NEMF: variants seen among roughly 807,000 people sequenced by gnomAD.
NEMF encodes the protein ribosome quality control complex subunit NEMF.
A neutral mutation model predicts 162.2 loss-of-function variants in NEMF; 89 were observed. The ratio of observed to expected loss-of-function variants is 0.55; its 90% CI spans 0.46 to 0.65. The LOEUF (loss-of-function observed/expected upper bound fraction) is 0.65. Among genes scored for constraint, NEMF ranks in the 30% least tolerant of loss-of-function variants. The pLI is 0.00. For missense variants in NEMF, 1,133 were observed against 1,261.9 expected (o/e 0.90, Z 1.55); for synonymous variants, 421 against 404.5 (o/e 1.04, Z -0.49).
Position 49,782,494 on chromosome 14 carries a change from C to T in NEMF, c.*2142G>A, listed in dbSNP as rs376602844. On this transcript the variant is annotated 3_prime_UTR_variant, in exon 33 of 33. Transcript: ENST00000298310. The stretch of plus-strand genomic sequence containing the variant: ...ACCTTCACATTATTACTGAAACTTA[C>T]TTGCAAAGCATTTGCTTTTAAATGT... The T allele has an allele frequency of 1.3e-6, 2 of 1,595,298 alleles. No homozygotes were observed. Among genetic ancestry groups the T allele is most frequent in the South Asian group, 1.1e-5 (1 of 89,476 alleles).
chr14:49,812,665 T>A (rs1228492753), intron 18 of NEMF, among the ~76,000 whole-genome samples: 1 of 152,260 alleles, frequency 6.6e-6, no homozygotes, highest in Admixed American at 6.5e-5. Flanking sequence ...CCATTGCTTA[T>A]TTATAACTGT....
At chr14:49,820,524 T>C in intron 16 of NEMF, 1 of 456,360 alleles carries the variant, frequency 2.2e-6, no homozygotes, top group Non-Finnish European at 4.4e-6. Flanking sequence ...ATCCCGGCAC[T>C]TTGGAAGGCC....
In NEMF at chr14:49,833,496, T is replaced by C; in HGVS notation, c.662A>G (p.Asp221Gly). The C allele has an allele frequency of 6.4e-7, 1 of 1,562,964 alleles. No individual in the cohort carries two copies. The highest frequency in any genetic ancestry group is 2.3e-5 in the East Asian group (1 of 44,392). ...CAGAGAAACAAGTACTTTTTCAATATCTAATGGTGGGGGAAAAAAAGGAAA... is the reference window on the plus strand; with the variant it reads ...CAGAGAAACAAGTACTTTTTCAATACCTAATGGTGGGGGAAAAAAAGGAAA... ...VKVDEKLETK[D>G]IEKVLVSLQK... Residue 221 changes from aspartate to glycine, a missense_variant and splice_region_variant, in exon 8 of 33, where the codon GAT becomes GGT. Physicochemically the swap from Asp to Gly is moderately conservative, Grantham distance 94. Transcript: ENST00000298310.
At chr14:49,785,188 A>C in intron 30 of NEMF, 32 bp downstream of exon 30, 2 of 1,605,982 alleles carry the variant, frequency 1.2e-6, no homozygotes, top group Non-Finnish European at 1.7e-6. Flanking sequence ...AACAATTCAC[A>C]AAAGCCATTC....
intron 18 of NEMF, among the ~76,000 whole-genome samples, 191 bp from the exon 19 acceptor site, chr14:49,806,324 C>T (rs1303340007): frequency 7.9e-6 from 1 of 126,682 alleles, no homozygotes; most frequent in East Asian, 2.4e-4. Flanking sequence ...TGCAATGGCG[C>T]AATCTCAGCT....
chr14:49,793,622 T>C (rs1187029911), intron 26 of NEMF, among the ~76,000 whole-genome samples: 3 of 152,232 alleles, frequency 2.0e-5, no homozygotes, highest in Non-Finnish European at 2.9e-5. Context: ...GAATATTTCA[T>C]TGTAAAAATG....
At chr14:49,834,143 T>G in intron 7 of NEMF, 3 of 590,510 alleles carry the variant, frequency 5.1e-6, no homozygotes, top group Middle Eastern at 8.1e-4. Context: ...CAGGCTGGAG[T>G]GCAGCTGTGC....
intron 17 of NEMF, 55 bp from the exon 18 acceptor site, chr14:49,814,105 CTT>C (rs375409448): frequency 1.1e-3 from 975 of 862,930 alleles, no homozygotes; most frequent in East Asian, 1.7e-3. Context: ...TTCTTTTTTC[CTT>C]TTTTTTTTTT....
rs1245751179 is a variant in NEMF at position 49,846,186 on chromosome 14, C to T, written c.311G>A (p.Gly104Glu). The T allele has an allele frequency of 6.2e-7, 1 of 1,613,650 alleles. No individual in the cohort carries two copies. Among genetic ancestry groups the T allele is most frequent in the Non-Finnish European group, 8.5e-7 (1 of 1,179,724 alleles). ...GVDRIVDFQF[G>E]SDEAAYHLII... is the part of the protein sequence containing the mutation. ...TAAATGGTAAGCAGCTTCATCACTT[C>T]CAAATTGAAAATCTACAATTCTATC... The change falls in exon 4 of 33, where the codon GGA becomes GAA. Residue 104 changes from glycine to glutamate, a missense_variant. This residue lies in a region of NEMF where 582 missense variants were observed against 631.5 expected (regional missense o/e 0.92). Coordinates refer to ENST00000298310, the MANE Select transcript of NEMF (RefSeq NM_004713.6).
In NEMF at chr14:49,838,163, T is replaced by G; in HGVS notation, c.550A>C (p.Lys184Gln). 1 of 1,613,992 alleles carries G rather than the reference T, an allele frequency of 6.2e-7. No individual in the cohort carries two copies. The highest frequency in any genetic ancestry group is 8.5e-7 in the Non-Finnish European group (1 of 1,179,884). ...VASAPKGELL[K>Q]RVLNPLLPYG... ...CGAAGTAATGGGTTAAGCACCCTCT[T>G]CAGTAGTTCACCCTTAGGTGCGCTG... Residue 184 changes from lysine (K) to glutamine (Q), a missense_variant, in exon 6 of 33, where the codon AAG becomes CAG. Physicochemically the swap from Lys to Gln is moderately conservative, Grantham distance 53 (BLOSUM62 1). Transcript: ENST00000298310.
intron 18 of NEMF, among the ~76,000 whole-genome samples, chr14:49,811,304 T>C (rs1309803428): frequency 6.6e-6 from 1 of 152,244 alleles, no homozygotes; most frequent in Non-Finnish European, 1.5e-5. Flanking sequence ...TGATCTCATA[T>C]CCTGGACATT....
At chr14:49,813,835 C>T (rs1401637142) in intron 18 of NEMF, among the ~76,000 whole-genome samples, 153 bp downstream of exon 18, 1 of 152,034 alleles carries the variant, frequency 6.6e-6, no homozygotes. Flanking sequence ...AACTCCTGGC[C>T]TCAAATAATC....
At chr14:49,843,461 T>G (rs1594805273) in intron 4 of NEMF, among the ~76,000 whole-genome samples, 1 of 152,196 alleles carries the variant, frequency 6.6e-6, no homozygotes, top group Middle Eastern at 3.4e-3. Context: ...GCCACTGAAT[T>G]CCAGCCTGGC....
chr14:49,848,800 C>T (rs889468232), intron 3 of NEMF, among the ~76,000 whole-genome samples: 88 of 147,924 alleles, frequency 5.9e-4, no homozygotes, highest in Non-Finnish European at 9.8e-4. Context: ...GCGCCACTGC[C>T]CTCCAGCCTG....
chr14:49,845,815 G>T (rs987103739), intron 4 of NEMF, among the ~76,000 whole-genome samples: 1 of 152,126 alleles, frequency 6.6e-6, no homozygotes. Flanking sequence ...TACATACAGC[G>T]CATCAGTGCA....
In NEMF at chr14:49,802,650, C is replaced by T; in HGVS notation, c.1974+19G>A. On this transcript the variant is annotated intron_variant, in intron 21 of 32. Coordinates refer to ENST00000298310, the MANE Select transcript of NEMF (RefSeq NM_004713.6). ...AATCAGGAAAAAAACAAATAAATAA[C>T]CAAGAAGTTGAAGAGTACCTTAAAA... 6.2e-7 allele frequency: 1 copy of T among 1,610,930 alleles called. No individual in the cohort carries two copies. Among genetic ancestry groups the T allele is most frequent in the Non-Finnish European group, 8.5e-7 (1 of 1,178,926 alleles).
At chr14:49,846,800 T>G (rs1893526402) in intron 3 of NEMF, among the ~76,000 whole-genome samples, 1 of 152,196 alleles carries the variant, frequency 6.6e-6, no homozygotes, top group Admixed American at 6.5e-5. Context: ...ATGATGGACC[T>G]ATAGCAAAAT....
At chr14:49,811,738 T>G (rs1891489329) in intron 18 of NEMF, among the ~76,000 whole-genome samples, 1 of 152,238 alleles carries the variant, frequency 6.6e-6, no homozygotes, top group Non-Finnish European at 1.5e-5. Flanking sequence ...GTAGATTATA[T>G]TACATTAATT....
chr14:49,851,873 A>G lies in NEMF; in HGVS notation c.62T>C (p.Leu21Ser). Reference protein sequence around the residue: ...RAVLAELNASLLGMRVNNVYD... With the variant: ...RAVLAELNASSLGMRVNNVYD... ...AACATTGTTTACTCTCATTCCTAGC[A>G]AGCTGCAAAGATAAAGGAAACATGT... is the stretch of plus-strand genomic sequence containing the variant. The change falls in exon 2 of 33, where the codon TTG becomes TCG. Residue 21 changes from leucine (L) to serine (S), a missense_variant and splice_region_variant. Leu to Ser is a moderately radical substitution (Grantham distance 145). Transcript: ENST00000298310. 1 of 1,564,912 alleles carries G rather than the reference A, an allele frequency of 6.4e-7. No individual in the cohort carries two copies. The highest frequency in any genetic ancestry group is 8.7e-7 in the Non-Finnish European group (1 of 1,146,720).
Sources: gnomAD v4.1 joint callset for allele counts (sites outside exome capture counted in the v4.1 genomes callset) on GRCh38, gnomAD v4.1.1 for gene constraint, gnomAD v4.1.1 regional missense constraint, MANE v1.5 for transcripts, NCBI Gene and HGNC (gene_info 2026-07-23, HGNC 2026-07-21) for gene names.